SORCS1: variants seen among roughly 807,000 people sequenced by gnomAD.
SORCS1 encodes VPS10 domain-containing receptor SorCS1.
Under a neutral mutation model 146.1 loss-of-function variants are expected in SORCS1, and 60 were observed. That is an observed-to-expected ratio of 0.41 (90% CI 0.33 to 0.51). SORCS1 has a LOEUF of 0.51. SORCS1 is among the 20% of genes least tolerant of loss of function. SORCS1 has a pLI of 0.21. For synonymous variants in SORCS1, 637 were observed against 584.0 expected (o/e 1.09, Z -1.31); for missense variants, 1,352 against 1,487.6 (o/e 0.91, Z 1.50).
intron 2 of SORCS1, among the ~76,000 whole-genome samples, chr10:106,915,486 C>T (rs896712767): frequency 6.6e-6 from 1 of 152,162 alleles, no homozygotes; most frequent in African/African-American, 2.4e-5. Flanking sequence ...TCCCACTCCA[C>T]TGCCATCCTG....
In SORCS1 at chr10:106,811,553, T is replaced by C. The variant is rs545249482; in HGVS notation, c.726+18021A>G. 1.3e-3 allele frequency among the ~76,000 whole-genome samples: 191 copies of C among 152,298 alleles called. 3 individuals carry two copies. The highest frequency in any genetic ancestry group is 4.4e-3 in the African/African-American group (181 of 41,566). ...TCTGCAGTTTAACAAGCTCTCTAGA[T>C]GATTTTCATATATGCGGACGTTTAA... is the stretch of plus-strand genomic sequence containing the variant. On this transcript the variant is annotated intron_variant, in intron 3 of 25. Coordinates refer to ENST00000263054, the MANE Select transcript of SORCS1 (RefSeq NM_052918.5).
chr10:106,930,445 A>C (rs1001821756), intron 2 of SORCS1, among the ~76,000 whole-genome samples: 16 of 152,340 alleles, frequency 1.1e-4, no homozygotes, highest in African/African-American at 3.8e-4. Flanking sequence ...TGTATATTGA[A>C]TACAAATTAT....
At chr10:107,136,536 G>A (rs534837640) in intron 1 of SORCS1, among the ~76,000 whole-genome samples, 72 of 152,268 alleles carry the variant, frequency 4.7e-4, no homozygotes, top group African/African-American at 1.5e-3. Context: ...CTTAGAGAGG[G>A]AAAATGACTT....
At chr10:106,682,526 C>T (rs1852516888) in intron 10 of SORCS1, among the ~76,000 whole-genome samples, 1 of 152,180 alleles carries the variant, frequency 6.6e-6, no homozygotes, top group Admixed American at 6.5e-5. Context: ...CAGTTTTGGA[C>T]ATTTGTCCAA....
intron 2 of SORCS1, among the ~76,000 whole-genome samples, chr10:106,867,992 C>G (rs906749096): frequency 3.3e-5 from 5 of 151,926 alleles, no homozygotes; most frequent in Non-Finnish European, 7.4e-5. Context: ...CCTATAGGCT[C>G]AAAATAAAGA....
At chr10:106,858,037 A>G (rs1949860599) in intron 2 of SORCS1, among the ~76,000 whole-genome samples, 1 of 152,170 alleles carries the variant, frequency 6.6e-6, no homozygotes, top group Non-Finnish European at 1.5e-5. Flanking sequence ...TCTTTCCTGG[A>G]TTCCCTGAAC....
chr10:106,628,316 A>G (rs999932777), intron 19 of SORCS1, among the ~76,000 whole-genome samples: 4 of 152,190 alleles, frequency 2.6e-5, no homozygotes, highest in Non-Finnish European at 5.9e-5. Context: ...TCTGTATTCA[A>G]TTTTGTTCCA....
At chr10:107,084,838 C>T (rs1963642582) in intron 1 of SORCS1, among the ~76,000 whole-genome samples, 1 of 152,168 alleles carries the variant, frequency 6.6e-6, no homozygotes. Context: ...ACTACAGCTT[C>T]CAAAATTATT....
intron 2 of SORCS1, among the ~76,000 whole-genome samples, chr10:106,874,217 C>T (rs1950522158): frequency 6.6e-6 from 1 of 152,132 alleles, no homozygotes; most frequent in South Asian, 2.1e-4. Context: ...ATATTATCAG[C>T]ATTCTGGGAT....
At chr10:106,595,038 C>T (rs1233012712) in intron 24 of SORCS1, among the ~76,000 whole-genome samples, 8 of 152,160 alleles carry the variant, frequency 5.3e-5, no homozygotes. Flanking sequence ...ATCATTCTCC[C>T]ATACAACTAG....
intron 1 of SORCS1, among the ~76,000 whole-genome samples, chr10:106,976,087 A>C (rs2139276693): frequency 6.7e-6 from 1 of 148,460 alleles, no homozygotes; most frequent in East Asian, 2.0e-4. Flanking sequence ...CAGAGGTTTC[A>C]GTGAGCCGAG....
chr10:106,951,461 G>A (rs1180524283), intron 2 of SORCS1, among the ~76,000 whole-genome samples: 3 of 147,388 alleles, frequency 2.0e-5, no homozygotes, highest in African/African-American at 7.5e-5. Context: ...GCAGTGAGCC[G>A]AGATCACGCC....
intron 1 of SORCS1, among the ~76,000 whole-genome samples, chr10:107,139,358 A>G (rs1043347427): frequency 5.9e-5 from 9 of 152,232 alleles, no homozygotes; most frequent in African/African-American, 1.7e-4. Flanking sequence ...AAAAAAGTCA[A>G]GACAAAATGC....
intron 1 of SORCS1, among the ~76,000 whole-genome samples, chr10:106,976,329 T>TTTTTTTTTTG (rs1956004813): frequency 9.4e-6 from 1 of 106,476 alleles, no homozygotes; most frequent in Admixed American, 8.2e-5. Context: ...ATCTAGGTTT[T>TTTTTTTTTTG]TTTGTTTTTT....
At chr10:106,907,752 A>C (rs931965051) in intron 2 of SORCS1, among the ~76,000 whole-genome samples, 4 of 151,958 alleles carry the variant, frequency 2.6e-5, no homozygotes, top group Non-Finnish European at 5.9e-5. Flanking sequence ...CATGGAGAAA[A>C]TCTGTCTCTA....
intron 2 of SORCS1, among the ~76,000 whole-genome samples, chr10:106,851,013 T>C (rs2137278137): frequency 6.6e-6 from 1 of 152,292 alleles, no homozygotes; most frequent in East Asian, 1.9e-4. Flanking sequence ...GTCCCAGTGT[T>C]CTACCATATC....
chr10:106,623,330 C>A (rs1206534706), intron 19 of SORCS1, among the ~76,000 whole-genome samples: 2 of 151,138 alleles, frequency 1.3e-5, no homozygotes, highest in East Asian at 3.9e-4. Context: ...GCAACCTCTG[C>A]CTCCCAGGTT....
intron 1 of SORCS1, among the ~76,000 whole-genome samples, chr10:107,046,562 T>C (rs562616834): frequency 6.6e-6 from 1 of 152,082 alleles, no homozygotes; most frequent in Admixed American, 6.5e-5. Flanking sequence ...CCAGAAAGGA[T>C]GGGTGAGAAA....
Position 106,620,515 on chromosome 10 carries a change from C to T in SORCS1, c.2709G>A (p.Lys903=), listed in dbSNP as rs1847671225. The T allele has an allele frequency of 1.2e-6, 2 of 1,614,070 alleles. No individual in the cohort carries two copies. Among genetic ancestry groups the T allele is most frequent in the Non-Finnish European group, 1.7e-6 (2 of 1,179,954 alleles). Residue 903 remains lysine (K), a synonymous_variant, in exon 20 of 26, where the codon AAG becomes AAA. Coordinates refer to ENST00000263054, the MANE Select transcript of SORCS1 (RefSeq NM_052918.5). ...CTGCCGTCGCATTGACCTCTTTGTT[C>T]TTTGTGGTGACAAAGGGAAGAGACA... ...VHLSLPFVTT[K]NKEVNATAVL... is the part of the protein sequence containing the mutation.
Sources: allele counts gnomAD v4.1 joint callset (sites outside exome capture counted in the v4.1 genomes callset), GRCh38; gene constraint gnomAD v4.1.1; transcripts MANE v1.5; gene names NCBI Gene and HGNC (gene_info 2026-07-23, HGNC 2026-07-21).